Variants in RANBP2 observed in about 807,000 individuals in gnomAD.
RANBP2 encodes E3 SUMO-protein ligase RanBP2.
Under a neutral mutation model 303.6 loss-of-function variants are expected in RANBP2, and 57 were observed. The observed-to-expected ratio is 0.19, with a 90% CI of 0.15 to 0.23. The LOEUF is 0.23. Ranked by LOEUF, RANBP2 falls within the 10% of genes least tolerant of loss-of-function variation. The pLI is 1.00. For missense variants in RANBP2, 3,138 were observed against 3,780.8 expected (o/e 0.83, Z 4.46); for synonymous variants, 1,167 against 1,301.5 (o/e 0.90, Z 2.23).
the RANBP2 span, among the ~76,000 whole-genome samples, chr2:109,115,875 A>C: frequency 3.4e-5 from 5 of 148,278 alleles, no homozygotes; most frequent in African/African-American, 1.2e-4. Context: ...TATTTTATTT[A>C]TCCTTCATTT....
chr2:109,556,638 C>CT, the RANBP2 span, among the ~76,000 whole-genome samples: 2 of 151,064 alleles, frequency 1.3e-5, no homozygotes, highest in African/African-American at 2.4e-5. Flanking sequence ...AGTATCAGGC[C>CT]TTTTTTTTTC....
chr2:108,798,280 C>G, the RANBP2 span: 1 of 683,010 alleles, frequency 1.5e-6, no homozygotes. Context: ...ACTTGCTATA[C>G]TAGTCTAGCT....
chr2:108,937,599 AGT>A, the RANBP2 span, among the ~76,000 whole-genome samples: 1 of 142,464 alleles, frequency 7.0e-6, no homozygotes, highest in Non-Finnish European at 1.6e-5. Context: ...TTTGTATATG[AGT>A]GTGTGTATAT....
At chr2:109,541,115 T>C in the RANBP2 span, among the ~76,000 whole-genome samples, 1 of 152,192 alleles carries the variant, frequency 6.6e-6, no homozygotes, top group African/African-American at 2.4e-5. Flanking sequence ...AGCCTGGAAG[T>C]TACACACATC....
At chr2:108,905,253 G>C in the RANBP2 span, among the ~76,000 whole-genome samples, 2 of 152,140 alleles carry the variant, frequency 1.3e-5, no homozygotes, top group Non-Finnish European at 2.9e-5. Context: ...CCAGGGGTGT[G>C]AACTCAACAT....
the RANBP2 span, among the ~76,000 whole-genome samples, chr2:108,868,129 C>T: frequency 1.3e-4 from 19 of 151,950 alleles, no homozygotes; most frequent in East Asian, 1.9e-4. Flanking sequence ...AATGTATAAC[C>T]GCTATAGGAA....
At position 108,784,548 on chromosome 2, in the gene RANBP2, T is replaced by G. The variant is rs1294954920; in HGVS notation, c.*647T>G. 1 of 152,810 alleles carries G rather than the reference T, an allele frequency of 6.5e-6. No individual in the cohort carries two copies. The highest frequency in any genetic ancestry group is 2.1e-4 in the South Asian group (1 of 4,830). The allele number at this position is 152,810 out of a possible 1,614,324, so 9.5% of individuals were successfully genotyped here. A position where few individuals can be genotyped will look rare whatever the true frequency, so the allele number is the denominator to read the frequency against. ...GATTAATTTTTACATTTTAAACAAG[T>G]TGACTATTTCCTTTAGGGGTTTTGT... is the stretch of plus-strand genomic sequence containing the variant. On this transcript the variant is annotated 3_prime_UTR_variant, in exon 29 of 29. Coordinates refer to ENST00000283195, the MANE Select transcript of RANBP2 (RefSeq NM_006267.5).
At chr2:109,572,703 G>A in the RANBP2 span, among the ~76,000 whole-genome samples, 6 of 135,914 alleles carry the variant, frequency 4.4e-5, no homozygotes, top group Middle Eastern at 4.5e-3. Flanking sequence ...CACAACCTCC[G>A]CCTCCTGGGT....
chr2:108,748,944 G>T lies in RANBP2; in HGVS notation c.1088G>T (p.Arg363Leu), dbSNP rs550471130. The T allele has an allele frequency of 6.2e-7, 1 of 1,611,878 alleles. No homozygotes were observed. The highest frequency in any genetic ancestry group is 8.5e-7 in the Non-Finnish European group (1 of 1,179,840). The change falls in exon 9 of 29, where the codon CGT becomes CTT. Residue 363 changes from arginine to leucine, a missense_variant. Coordinates refer to ENST00000283195, the MANE Select transcript of RANBP2 (RefSeq NM_006267.5). ...QSGHMLLNLS[R>L]GKQDFLKEIV... ...GGGCACATGTTGCTAAACTTAAGTC[G>T]TGGCAAGCAAGATTTTTTAAAAGAG... is the stretch of plus-strand genomic sequence containing the variant.
chr2:108,969,915 T>C, the RANBP2 span, among the ~76,000 whole-genome samples: 29,550 of 152,136 alleles, frequency 0.19, 4,476 homozygotes, highest in East Asian at 0.84. Flanking sequence ...GAATCCAGAG[T>C]TCAATCTGGG....
the RANBP2 span, among the ~76,000 whole-genome samples, chr2:109,322,458 A>C: frequency 6.6e-6 from 1 of 152,226 alleles, no homozygotes; most frequent in East Asian, 1.9e-4. Context: ...AGTTGAGCTT[A>C]AATCAGCCAA....
the RANBP2 span, among the ~76,000 whole-genome samples, chr2:109,339,924 T>C: frequency 3.3e-5 from 5 of 152,166 alleles, no homozygotes; most frequent in Non-Finnish European, 7.4e-5. Context: ...CCCTCGCCTT[T>C]TGGGGGAGTG....
chr2:109,276,193 G>A, the RANBP2 span, among the ~76,000 whole-genome samples: 1 of 152,192 alleles, frequency 6.6e-6, no homozygotes. Context: ...GAAAACACCA[G>A]CGTTCTCCCA....
At chr2:108,832,786 C>T in the RANBP2 span, among the ~76,000 whole-genome samples, 1 of 152,126 alleles carries the variant, frequency 6.6e-6, no homozygotes, top group Admixed American at 6.5e-5. Flanking sequence ...GGAGGAGACA[C>T]GAGCTGCCTT....
At chr2:109,026,124 C>T in the RANBP2 span, among the ~76,000 whole-genome samples, 1 of 152,012 alleles carries the variant, frequency 6.6e-6, no homozygotes, top group Non-Finnish European at 1.5e-5. Context: ...GAAGACAGCA[C>T]ATTTTATATT....
At chr2:109,621,900 G>A in the RANBP2 span, among the ~76,000 whole-genome samples, 15 of 126,466 alleles carry the variant, frequency 1.2e-4, no homozygotes, top group African/African-American at 3.2e-4. Context: ...TCCACAGAGT[G>A]AGACTCCATC....
At chr2:109,082,766 G>C in the RANBP2 span, among the ~76,000 whole-genome samples, 3 of 151,928 alleles carry the variant, frequency 2.0e-5, no homozygotes, top group Non-Finnish European at 4.4e-5. Flanking sequence ...AGTGCACTAT[G>C]ATGGCACCTG....
chr2:108,926,395 C>G, the RANBP2 span, among the ~76,000 whole-genome samples: 1 of 152,232 alleles, frequency 6.6e-6, no homozygotes, highest in East Asian at 1.9e-4. Flanking sequence ...TGTTTAAGGA[C>G]TGACTTTCTC....
the RANBP2 span, among the ~76,000 whole-genome samples, chr2:108,934,693 T>C: frequency 2.6e-5 from 4 of 152,106 alleles, no homozygotes; most frequent in Non-Finnish European, 5.9e-5. Flanking sequence ...GCAGGGCCAA[T>C]TCACTGTTAT....
Sources: gnomAD v4.1 joint callset for allele counts (sites outside exome capture counted in the v4.1 genomes callset) on GRCh38, gnomAD v4.1.1 for gene constraint, MANE v1.5 for transcripts, NCBI Gene and HGNC (gene_info 2026-07-23, HGNC 2026-07-21) for gene names.